NEK11: variants seen among roughly 807,000 people sequenced by gnomAD.
The protein encoded by NEK11 is serine/threonine-protein kinase Nek11.
A neutral mutation model predicts 80.7 loss-of-function variants in NEK11; 72 were observed. That is an observed-to-expected ratio of 0.89 (90% CI 0.74 to 1.08). The LOEUF (loss-of-function observed/expected upper bound fraction) is 1.08. NEK11 is among the 50% of genes least tolerant of loss of function. The pLI, the probability that NEK11 is intolerant of heterozygous loss-of-function variation, is 0.00. For missense variants in NEK11, 764 were observed against 763.6 expected (o/e 1.00, Z -0.01); for synonymous variants, 251 against 260.7 (o/e 0.96, Z 0.36).
At chr3:131,078,172 C>T (rs1006979660) in intron 3 of NEK11, among the ~76,000 whole-genome samples, 2 of 152,108 alleles carry the variant, frequency 1.3e-5, no homozygotes, top group African/African-American at 4.8e-5. Context: ...GAGATGAGTT[C>T]AGAATGGGAA....
chr3:131,228,759 G>C lies in NEK11; in HGVS notation c.1560+71G>C, dbSNP rs2095268630. On this transcript the variant is annotated intron_variant, in intron 15 of 17. Coordinates refer to ENST00000383366, the MANE Select transcript of NEK11 (RefSeq NM_024800.5). ...TGATTGGACTCTCCCAGAGAAGAAA[G>C]GAAGTCTTATAAGGTGAAGTTGGGG... 7.5e-6 allele frequency: 11 copies of C among 1,468,504 alleles called. No individual in the cohort carries two copies. In the South Asian group the frequency reaches 1.6e-4, roughly 21 times the overall value. 91.0% of individuals were successfully genotyped at this position (1,468,504 alleles called of 1,614,324 possible).
At chr3:131,337,889 A>C (rs908613873) in intron 17 of NEK11, among the ~76,000 whole-genome samples, 6 of 152,190 alleles carry the variant, frequency 3.9e-5, no homozygotes, top group Admixed American at 3.9e-4. Flanking sequence ...CGCATACCTC[A>C]TATGATTGTG....
chr3:131,086,172 G>C (rs141097777), intron 4 of NEK11, among the ~76,000 whole-genome samples: 1 of 152,262 alleles, frequency 6.6e-6, no homozygotes, highest in East Asian at 1.9e-4. Flanking sequence ...GTTTTTCACT[G>C]TAAAGTTACT....
intron 3 of NEK11, among the ~76,000 whole-genome samples, chr3:131,059,890 A>G (rs895681664): frequency 1.4e-4 from 22 of 152,356 alleles, no homozygotes; most frequent in Non-Finnish European, 2.2e-4. Flanking sequence ...AGCAAGAGTC[A>G]GTTATAAATA....
chr3:131,270,226 T>C (rs2096153628), intron 16 of NEK11, among the ~76,000 whole-genome samples: 1 of 152,216 alleles, frequency 6.6e-6, no homozygotes, highest in Non-Finnish European at 1.5e-5. Flanking sequence ...ACAGCTTTTC[T>C]CTTGTTTCTT....
intron 14 of NEK11, 50 bp from the exon 15 acceptor site, chr3:131,228,478 A>G: frequency 3.3e-6 from 5 of 1,495,556 alleles, no homozygotes; most frequent in Non-Finnish European, 4.5e-6. Flanking sequence ...TTCTTACCTC[A>G]TTATAATTTT....
chr3:131,198,370 T>A (rs2094107489), intron 14 of NEK11, among the ~76,000 whole-genome samples: 1 of 152,192 alleles, frequency 6.6e-6, no homozygotes, highest in African/African-American at 2.4e-5. Flanking sequence ...CTTTTCTTCA[T>A]TGTCTGGAAG....
At chr3:131,132,352 C>T (rs6769160) in intron 5 of NEK11, among the ~76,000 whole-genome samples, 23,244 of 151,752 alleles carry the variant, frequency 0.15, 1,845 homozygotes, top group Non-Finnish European at 0.17. Context: ...TCATCAACAA[C>T]GTTATTATTT....
chr3:131,224,024 G>A (rs1415055136), intron 14 of NEK11, among the ~76,000 whole-genome samples: 2 of 152,114 alleles, frequency 1.3e-5, no homozygotes, highest in Non-Finnish European at 2.9e-5. Flanking sequence ...ATGTACAATG[G>A]TGGTCCAGTT....
At position 131,295,304 on chromosome 3, in the gene NEK11, T is replaced by TC. The variant is rs549559136; in HGVS notation, c.1718+21730_1718+21731insC. On this transcript the variant is annotated intron_variant, in intron 17 of 17. Transcript: ENST00000383366. The stretch of plus-strand genomic sequence containing the variant: ...TTGTTTCAGATTTGGGATTTTTTTT[T>TC]TTCTGGATTTGGGAATATTTGGTTC... 3.3e-5 allele frequency among the ~76,000 whole-genome samples: 5 copies of TC among 152,240 alleles called. No homozygotes were observed. In the South Asian group the frequency reaches 1.0e-3, roughly 32 times the overall value.
chr3:131,309,011 G>T (rs2096750659), intron 17 of NEK11, among the ~76,000 whole-genome samples: 1 of 152,212 alleles, frequency 6.6e-6, no homozygotes, highest in African/African-American at 2.4e-5. Context: ...TGGTTTGACA[G>T]GAGGCAGAGC....
chr3:131,340,922 G>A (rs1323820260), intron 17 of NEK11, among the ~76,000 whole-genome samples: 2 of 152,142 alleles, frequency 1.3e-5, no homozygotes, highest in Non-Finnish European at 2.9e-5. Flanking sequence ...ATGCACCATA[G>A]AAAGAAATAG....
chr3:131,087,250 T>TA (rs1208202222), intron 4 of NEK11, among the ~76,000 whole-genome samples: 17 of 145,530 alleles, frequency 1.2e-4, no homozygotes, highest in Admixed American at 1.0e-3. Context: ...TTTTTTTTTT[T>TA]TTTTTTTTGA....
chr3:131,178,607 G>A (rs2150140500), intron 14 of NEK11, among the ~76,000 whole-genome samples: 2 of 152,258 alleles, frequency 1.3e-5, no homozygotes, highest in South Asian at 4.1e-4. Flanking sequence ...AACATGCAGG[G>A]ACCTGTCACC....
At chr3:131,346,913 C>T (rs1031404804) in intron 17 of NEK11, among the ~76,000 whole-genome samples, 11 of 151,958 alleles carry the variant, frequency 7.2e-5, no homozygotes, top group Non-Finnish European at 1.2e-4. Context: ...TGGCTGAATG[C>T]GAGGCAGTTC....
At chr3:131,317,812 A>AGGTGGGGGAG (rs2096857768) in intron 17 of NEK11, among the ~76,000 whole-genome samples, 1 of 2,314 alleles carries the variant, frequency 4.3e-4, no homozygotes, top group Non-Finnish European at 1.5e-3. Context: ...GGAGGAGAGG[A>AGGTGGGGGAG]GGAGGGGGAG....
intron 3 of NEK11, among the ~76,000 whole-genome samples, chr3:131,078,927 TA>T (rs767183347): frequency 4.0e-5 from 6 of 151,106 alleles, no homozygotes; most frequent in Non-Finnish European, 8.8e-5. Flanking sequence ...ATTTTTATAT[TA>T]TTTTTTAGGA....
intron 17 of NEK11, among the ~76,000 whole-genome samples, chr3:131,292,795 T>C (rs1011505478): frequency 1.3e-5 from 2 of 152,208 alleles, no homozygotes; most frequent in African/African-American, 4.8e-5. Context: ...ATTTCCCTCA[T>C]ATAGATCTTG....
At chr3:131,085,820 T>C (rs2075900210) in intron 4 of NEK11, among the ~76,000 whole-genome samples, 1 of 152,182 alleles carries the variant, frequency 6.6e-6, no homozygotes, top group African/African-American at 2.4e-5. Context: ...AGTTTTCCCC[T>C]TTATGCCTTT....
Sources: gnomAD v4.1 joint callset for allele counts (sites outside exome capture counted in the v4.1 genomes callset) on GRCh38, gnomAD v4.1.1 for gene constraint, MANE v1.5 for transcripts, NCBI Gene and HGNC (gene_info 2026-07-23, HGNC 2026-07-21) for gene names.